SORL1: variants seen among roughly 807,000 people sequenced by gnomAD.
SORL1 encodes sortilin related receptor 1, also known as sortilin-related receptor.
Under a neutral mutation model 273.7 loss-of-function variants are expected in SORL1, and 127 were observed. The ratio of observed to expected loss-of-function variants is 0.46; its 90% confidence interval spans 0.40 to 0.54. The LOEUF is 0.54. SORL1 is among the 20% of genes least tolerant of loss of function. SORL1 has a pLI of 0.00. For synonymous variants in SORL1, 1,031 were observed against 1,067.4 expected, an observed-to-expected ratio of 0.97 and a Z score of 0.66; for missense variants, 2,494 against 2,846.1, an observed-to-expected ratio of 0.88 and a Z score of 2.81.
At chr11:121,623,214 C>T (rs1172865767) in intron 45 of SORL1, among the ~76,000 whole-genome samples, 1 of 152,222 alleles carries the variant, frequency 6.6e-6, no homozygotes, top group Non-Finnish European at 1.5e-5. Context: ...AAAGTTCAAC[C>T]TCACCGGTAA....
chr11:121,593,186 C>G (rs1503423), intron 31 of SORL1, among the ~76,000 whole-genome samples: 68,165 of 152,092 alleles, frequency 0.45, 18,516 homozygotes, highest in Non-Finnish European at 0.62. Flanking sequence ...GGCATTCTCC[C>G]CCTTTTTATT....
chr11:121,460,592 T>G (rs971062041), intron 1 of SORL1, among the ~76,000 whole-genome samples: 4 of 151,978 alleles, frequency 2.6e-5, no homozygotes, highest in Admixed American at 2.6e-4. Flanking sequence ...GAGATGAGGT[T>G]TCACCATATT....
intron 3 of SORL1, among the ~76,000 whole-genome samples, chr11:121,486,764 C>A (rs1284467292): frequency 6.6e-6 from 1 of 152,258 alleles, no homozygotes; most frequent in East Asian, 1.9e-4. Flanking sequence ...CAGCCGCGAG[C>A]CACTGCGCCC....
intron 32 of SORL1, 88 bp from the exon 33 acceptor site, chr11:121,604,105 C>T: frequency 6.6e-7 from 1 of 1,507,570 alleles, no homozygotes; most frequent in South Asian, 1.2e-5. Flanking sequence ...CCAATTAGTA[C>T]TTTGCCTAAA....
intron 6 of SORL1, among the ~76,000 whole-genome samples, chr11:121,505,295 CT>C (rs1861771827): frequency 6.6e-6 from 1 of 151,716 alleles, no homozygotes; most frequent in South Asian, 2.1e-4. Context: ...AATGATGTTT[CT>C]TATTTCTTTC....
At chr11:121,540,062 A>G (rs1382088534) in intron 12 of SORL1, among the ~76,000 whole-genome samples, 1 of 152,224 alleles carries the variant, frequency 6.6e-6, no homozygotes, top group Non-Finnish European at 1.5e-5. Context: ...TGAGAATTAC[A>G]GCTGGAATTA....
At chr11:121,510,429 C>T (rs1242588410) in intron 6 of SORL1, among the ~76,000 whole-genome samples, 2 of 152,172 alleles carry the variant, frequency 1.3e-5, no homozygotes, top group South Asian at 2.1e-4. Context: ...TCTTAATGTT[C>T]TGCCATCCTG....
intron 11 of SORL1, 137 bp from the exon 12 acceptor site, chr11:121,532,327 C>G: frequency 1.4e-6 from 1 of 706,560 alleles, no homozygotes; most frequent in Non-Finnish European, 2.4e-6. Flanking sequence ...CTTCTGTAAA[C>G]GGAAAAATTG....
chr11:121,616,129 A>G (rs1863635887), intron 41 of SORL1, among the ~76,000 whole-genome samples: 2 of 152,206 alleles, frequency 1.3e-5, no homozygotes, highest in South Asian at 2.1e-4. Context: ...CTTTCCATTT[A>G]TATACCTGGC....
intron 3 of SORL1, among the ~76,000 whole-genome samples, chr11:121,483,395 A>C (rs942105813): frequency 1.3e-5 from 2 of 152,104 alleles, no homozygotes; most frequent in African/African-American, 4.8e-5. Context: ...ATGTTCCTTC[A>C]TTGCCTTCTC....
chr11:121,462,780 G>C (rs1310404490), intron 1 of SORL1, among the ~76,000 whole-genome samples: 1 of 152,098 alleles, frequency 6.6e-6, no homozygotes, highest in Non-Finnish European at 1.5e-5. Context: ...AGATGGGGTT[G>C]TGTCATGTTG....
Position 121,576,887 on chromosome 11 carries a change from C to G in SORL1, c.3461-394C>G, listed in dbSNP as rs1321621577. ...GGCACTCCTTTTCTCAAACCACAGG[C>G]TGTGTCTGTAGGAGTCCTCTGTTTC... On this transcript the variant is annotated intron_variant, in intron 24 of 47. Transcript: ENST00000260197. 2.6e-6 allele frequency: 4 copies of G among 1,535,520 alleles called. No homozygotes were observed. In the East Asian group the frequency reaches 7.3e-5, roughly 28 times the overall value.
chr11:121,511,202 G>A (rs1861873369), intron 6 of SORL1, among the ~76,000 whole-genome samples: 3 of 151,896 alleles, frequency 2.0e-5, no homozygotes. Flanking sequence ...GATGATTGTA[G>A]TATTCTGTGA....
chr11:121,474,951 A>G (rs537744588), intron 2 of SORL1, among the ~76,000 whole-genome samples: 3 of 152,360 alleles, frequency 2.0e-5, no homozygotes, highest in South Asian at 2.1e-4. Context: ...AGTCTATGCT[A>G]ATTAAGTAGA....
chr11:121,519,472 C>T (rs942004263), intron 8 of SORL1, among the ~76,000 whole-genome samples: 4 of 151,518 alleles, frequency 2.6e-5, no homozygotes, highest in Admixed American at 2.0e-4. Flanking sequence ...AGTGCAGTGG[C>T]GCGATCTCGG....
intron 26 of SORL1, 135 bp from the exon 27 acceptor site, chr11:121,586,087 A>G (rs1482509056): frequency 1.5e-6 from 1 of 684,062 alleles, no homozygotes; most frequent in Non-Finnish European, 2.7e-6. Context: ...GTGTGTATAC[A>G]TTTGTCATTT....
chr11:121,533,981 G>A (rs1242510104), intron 12 of SORL1, among the ~76,000 whole-genome samples: 3 of 152,164 alleles, frequency 2.0e-5, no homozygotes, highest in Non-Finnish European at 4.4e-5. Context: ...CCACATTTGT[G>A]CTATCATTTA....
At chr11:121,584,885 C>T (rs1317837738) in intron 26 of SORL1, among the ~76,000 whole-genome samples, 3 of 152,208 alleles carry the variant, frequency 2.0e-5, no homozygotes, top group African/African-American at 7.2e-5. Context: ...CGAGCCACTG[C>T]GCCTGGCCAG....
chr11:121,577,102 C>T (rs1862942474), intron 24 of SORL1, 179 bp from the exon 25 acceptor site: 9 of 1,073,892 alleles, frequency 8.4e-6, no homozygotes, highest in Non-Finnish European at 1.2e-5. Context: ...ATTTGCAGCA[C>T]ACTGACTGGA....
Sources: allele counts gnomAD v4.1 joint callset (sites outside exome capture counted in the v4.1 genomes callset), GRCh38; gene constraint gnomAD v4.1.1; transcripts MANE v1.5; gene names NCBI Gene and HGNC (gene_info 2026-07-23, HGNC 2026-07-21).